PPA2: variants seen among roughly 807,000 people sequenced by gnomAD.
PPA2 encodes inorganic pyrophosphatase 2, also known as inorganic pyrophosphatase 2, mitochondrial.
PPA2 carries 48 observed loss-of-function variants against 49.5 expected under a neutral mutation model. The observed-to-expected ratio is 0.97, with a 90% CI of 0.77 to 1.23. The LOEUF (loss-of-function observed/expected upper bound fraction) is 1.23, where lower values mean the gene tolerates loss of function less well. PPA2 is among the 50% of genes most tolerant of loss of function. The probability of loss-of-function intolerance (pLI) is 0.00; values close to 1 mark genes in which losing one functional copy is unlikely to be tolerated. For synonymous variants in PPA2, 131 were observed against 139.9 expected, an observed-to-expected ratio of 0.94 and a Z score of 0.45; for missense variants, 429 against 410.1, an observed-to-expected ratio of 1.05 and a Z score of -0.40.
chr4:105,394,395 GA>G (rs66802514), intron 9 of PPA2, among the ~76,000 whole-genome samples: 1 of 137,618 alleles, frequency 7.3e-6, no homozygotes, highest in East Asian at 2.1e-4. Flanking sequence ...AAAAAAGAAA[GA>G]AAAAAAAAGA....
At chr4:105,464,174 A>G (rs1723206171) in intron 1 of PPA2, among the ~76,000 whole-genome samples, 1 of 152,208 alleles carries the variant, frequency 6.6e-6, no homozygotes, top group Admixed American at 6.5e-5. Flanking sequence ...GACCACAGGA[A>G]CCCACCTCTT....
chr4:105,471,058 A>G (rs575293811), intron 1 of PPA2, among the ~76,000 whole-genome samples: 2 of 152,328 alleles, frequency 1.3e-5, no homozygotes, highest in South Asian at 2.1e-4. Context: ...AAATAGGCAA[A>G]TTCTTCTTCA....
chr4:105,399,412 T>C (rs1342507264), intron 7 of PPA2: 10 of 298,236 alleles, frequency 3.4e-5, no homozygotes, highest in African/African-American at 6.5e-5. Flanking sequence ...CAATGTGCTA[T>C]GTATGGGGAA....
rs770770538 is a variant in PPA2 at position 105,424,297 on chromosome 4, T to C, written c.554A>G (p.His185Arg). ...SKILSCGEVIHVKILGILALI... is the reference protein window; with the variant it reads ...SKILSCGEVIRVKILGILALI... The stretch of plus-strand genomic sequence containing the variant: ...AGCCAAAATTCCAAGGATCTTCACA[T>C]GAATAACTTCTCCACAAGAAAGAAT... The change falls in exon 7 of 12, where the codon CAT (histidine) becomes CGT (arginine). Residue 185 changes from histidine (H) to arginine (R), a missense_variant. By Grantham distance (29) the His-to-Arg change is conservative. Transcript: ENST00000341695. 13 of 1,599,366 alleles carry C rather than the reference T, an allele frequency of 8.1e-6. No homozygotes were observed. The highest frequency in any genetic ancestry group is 1.1e-5 in the South Asian group (1 of 87,548).
intron 10 of PPA2, among the ~76,000 whole-genome samples, chr4:105,373,008 T>C (rs1340692261): frequency 2.6e-5 from 4 of 152,212 alleles, no homozygotes; most frequent in African/African-American, 4.8e-5. Flanking sequence ...TTTATCTTTT[T>C]GTTTGTTTGT....
At position 105,369,747 on chromosome 4, in the gene PPA2, A is replaced by G. The variant is rs553189418; in HGVS notation, c.983T>C (p.Val328Ala). Reference sequence around the variant, plus strand: ...CAATCACTTGCCAAGGAAGTGCCACACTTGCTCTGCATTTAAAATGGGGAA... The same window carrying G: ...CAATCACTTGCCAAGGAAGTGCCACGCTTGCTCTGCATTTAAAATGGGGAA... ...PNKESNEEEQ[V>A]WHFLGK Residue 328 changes from valine (V) to alanine (A), a missense_variant, in exon 12 of 12, where the codon GTG becomes GCG. Val to Ala is a moderately conservative substitution (Grantham distance 64). Transcript: ENST00000341695. 1.9e-6 allele frequency: 3 copies of G among 1,590,370 alleles called. No individual in the cohort carries two copies. Among genetic ancestry groups the G allele is most frequent in the East Asian group, 2.2e-5 (1 of 44,738 alleles).
intron 10 of PPA2, among the ~76,000 whole-genome samples, chr4:105,376,972 C>T (rs1402336184): frequency 1.3e-5 from 2 of 152,148 alleles, no homozygotes; most frequent in Non-Finnish European, 2.9e-5. Context: ...TGTTCTATTT[C>T]CTCAAAGAGG....
chr4:105,390,057 G>A (rs2713828), intron 9 of PPA2, among the ~76,000 whole-genome samples: 56,890 of 151,980 alleles, frequency 0.37, 12,608 homozygotes, highest in East Asian at 0.68. Flanking sequence ...ACAAGCAATG[G>A]GGAAATGATT....
chr4:105,414,271 T>C (rs964637390), intron 7 of PPA2, among the ~76,000 whole-genome samples: 1 of 152,224 alleles, frequency 6.6e-6, no homozygotes, highest in Non-Finnish European at 1.5e-5. Context: ...AATTTTGAAA[T>C]ACTTTAAACC....
intron 2 of PPA2, chr4:105,456,424 A>G (rs1158039593): frequency 2.2e-6 from 1 of 455,368 alleles, no homozygotes; most frequent in Non-Finnish European, 4.1e-6. Flanking sequence ...CTAAATTACT[A>G]CCCTTAAATC....
At chr4:105,473,613 G>A in intron 1 of PPA2, 2 of 666,512 alleles carry the variant, frequency 3.0e-6, no homozygotes, top group Admixed American at 1.8e-5. Flanking sequence ...CCCTCGGGGA[G>A]GGCGGCTGGC....
chr4:105,412,269 A>C (rs1475812443), intron 7 of PPA2, among the ~76,000 whole-genome samples: 1 of 152,222 alleles, frequency 6.6e-6, no homozygotes, highest in Non-Finnish European at 1.5e-5. Context: ...AACAGAACAG[A>C]GGCCTCACAA....
chr4:105,463,777 A>C (rs112824220), intron 1 of PPA2, among the ~76,000 whole-genome samples: 14,440 of 152,218 alleles, frequency 0.095, 1,413 homozygotes, highest in African/African-American at 0.25. Flanking sequence ...AAGCCCCAAG[A>C]CTTGGCAGCT....
intron 10 of PPA2, among the ~76,000 whole-genome samples, chr4:105,379,702 C>T (rs376248798): frequency 6.7e-6 from 1 of 149,132 alleles, no homozygotes; most frequent in Non-Finnish European, 1.5e-5. Context: ...GGCGCGATCT[C>T]GGCTCACTGC....
intron 7 of PPA2, among the ~76,000 whole-genome samples, chr4:105,421,701 C>T (rs1047623571): frequency 1.3e-5 from 2 of 151,958 alleles, no homozygotes; most frequent in Non-Finnish European, 2.9e-5. Flanking sequence ...AATATATTAA[C>T]GATAATGTGT....
At chr4:105,428,910 A>C (rs1442998842) in intron 6 of PPA2, among the ~76,000 whole-genome samples, 3 of 152,204 alleles carry the variant, frequency 2.0e-5, no homozygotes, top group Admixed American at 1.3e-4. Flanking sequence ...AACAGCCTTT[A>C]GGGGTATAAA....
chr4:105,446,503 C>A lies in PPA2; in HGVS notation c.322-1G>T. Reference sequence around the variant, plus strand: ...GATTCATTGGCTCCTTGGTGGCAATCTAAGCAAATCACAGAAGGAAGAAAA... The same window carrying A: ...GATTCATTGGCTCCTTGGTGGCAATATAAGCAAATCACAGAAGGAAGAAAA... On this transcript the variant is annotated splice_acceptor_variant, in intron 4 of 11. Coordinates refer to ENST00000341695, the MANE Select transcript of PPA2 (RefSeq NM_176869.3). LOFTEE classifies it high-confidence loss of function. The A allele has an allele frequency of 6.3e-7, 1 of 1,598,870 alleles. No homozygotes were observed. The highest frequency in any genetic ancestry group is 1.3e-5 in the African/African-American group (1 of 74,222).
intron 10 of PPA2, among the ~76,000 whole-genome samples, chr4:105,380,451 A>G (rs1329403168): frequency 6.6e-6 from 1 of 152,140 alleles, no homozygotes; most frequent in East Asian, 1.9e-4. Flanking sequence ...TTTTGGCTTC[A>G]TTAATTTTTT....
At chr4:105,402,575 A>C (rs1349815854) in intron 7 of PPA2, among the ~76,000 whole-genome samples, 1 of 152,192 alleles carries the variant, frequency 6.6e-6, no homozygotes, top group East Asian at 1.9e-4. Context: ...ACAGTGAAAA[A>C]ACAGAAAGTA....
Sources: allele counts gnomAD v4.1 joint callset (sites outside exome capture counted in the v4.1 genomes callset), GRCh38; gene constraint gnomAD v4.1.1; transcripts MANE v1.5; gene names NCBI Gene and HGNC (gene_info 2026-07-23, HGNC 2026-07-21).